GPC5: variants seen among roughly 807,000 people sequenced by gnomAD.
GPC5 encodes the protein glypican 5.
GPC5 carries 47 observed loss-of-function variants against 53.9 expected under a neutral mutation model. That is an observed-to-expected ratio of 0.87 (90% confidence interval 0.69 to 1.11). GPC5 has a LOEUF of 1.11. Ranked by LOEUF, GPC5 falls within the 50% of genes most tolerant of loss-of-function variation. The probability of loss-of-function intolerance (pLI) is 0.00; values close to 1 mark genes in which losing one functional copy is unlikely to be tolerated. For synonymous variants in GPC5, 286 were observed against 263.3 expected (o/e 1.09, Z -0.84); for missense variants, 748 against 713.1 (o/e 1.05, Z -0.56).
intron 7 of GPC5, among the ~76,000 whole-genome samples, chr13:92,677,968 C>G (rs1887001563): frequency 6.6e-6 from 1 of 152,136 alleles, no homozygotes; most frequent in South Asian, 2.1e-4. Context: ...ATGCTCCTGC[C>G]AAAGCTTCCC....
At chr13:91,590,437 C>T (rs570586561) in intron 2 of GPC5, among the ~76,000 whole-genome samples, 1 of 152,074 alleles carries the variant, frequency 6.6e-6, no homozygotes, top group East Asian at 1.9e-4. Context: ...AATATGTTTT[C>T]CTATATTTTC....
At chr13:92,534,828 G>A (rs1394778970) in intron 7 of GPC5, among the ~76,000 whole-genome samples, 1 of 152,106 alleles carries the variant, frequency 6.6e-6, no homozygotes. Flanking sequence ...AAAACAATAT[G>A]TCAAAACATG....
chr13:92,225,926 T>C lies in GPC5; in HGVS notation c.1561+80937T>C, dbSNP rs577290949. ...AACATGGAGAACCATCAGTTCCTGA[T>C]ATGGTTTGGCTCTGTGTCCCCACCT... On this transcript the variant is annotated intron_variant, in intron 7 of 7. Coordinates refer to ENST00000377067, the MANE Select transcript of GPC5 (RefSeq NM_004466.6). Among the ~76,000 whole-genome samples the C allele has an allele frequency of 1.5e-3, 230 of 152,332 alleles. 1 individual carries two copies. The highest frequency in any genetic ancestry group is 5.2e-3 in the African/African-American group (215 of 41,572).
intron 7 of GPC5, among the ~76,000 whole-genome samples, chr13:92,370,541 C>A (rs1408888303): frequency 3.8e-5 from 1 of 26,586 alleles, no homozygotes; most frequent in Non-Finnish European, 7.9e-5. Context: ...AAAAAAAAAA[C>A]AGCTTGTCAA....
chr13:92,610,968 A>ATAT (rs1566318724), intron 7 of GPC5, among the ~76,000 whole-genome samples: 2 of 140,120 alleles, frequency 1.4e-5, no homozygotes, highest in Non-Finnish European at 1.5e-5. Context: ...CTCAATACAT[A>ATAT]TTTTTTTTTT....
chr13:91,710,837 A>G (rs918566289), intron 3 of GPC5, among the ~76,000 whole-genome samples: 1 of 151,308 alleles, frequency 6.6e-6, no homozygotes, highest in African/African-American at 2.4e-5. Context: ...TTAGATGTTA[A>G]TAGGTATTCT....
At chr13:91,858,660 A>G (rs1338895046) in intron 5 of GPC5, among the ~76,000 whole-genome samples, 1 of 151,838 alleles carries the variant, frequency 6.6e-6, no homozygotes, top group Non-Finnish European at 1.5e-5. Flanking sequence ...TCAGAGTAAT[A>G]ATGGCCTTGT....
chr13:92,349,746 T>C (rs1367154377), intron 7 of GPC5, among the ~76,000 whole-genome samples: 1 of 152,022 alleles, frequency 6.6e-6, no homozygotes, highest in African/African-American at 2.4e-5. Context: ...GAATCAGTAA[T>C]AAAAATTTTC....
chr13:92,262,214 C>A (rs2042772474), intron 7 of GPC5, among the ~76,000 whole-genome samples: 2 of 152,090 alleles, frequency 1.3e-5, no homozygotes, highest in African/African-American at 4.8e-5. Context: ...TATTTGGTTT[C>A]TAGTATTTCA....
At chr13:91,848,750 G>T (rs1196004335) in intron 5 of GPC5, among the ~76,000 whole-genome samples, 1 of 152,146 alleles carries the variant, frequency 6.6e-6, no homozygotes, top group Non-Finnish European at 1.5e-5. Context: ...GTATCATCTT[G>T]CTTCTGAGCC....
intron 3 of GPC5, among the ~76,000 whole-genome samples, chr13:91,706,928 A>T (rs1448139829): frequency 6.6e-6 from 1 of 152,210 alleles, no homozygotes; most frequent in Non-Finnish European, 1.5e-5. Flanking sequence ...AATTAAGATT[A>T]AAACATCATA....
chr13:92,537,345 C>T (rs373929388), intron 7 of GPC5, among the ~76,000 whole-genome samples: 3 of 152,156 alleles, frequency 2.0e-5, no homozygotes, highest in South Asian at 4.1e-4. Flanking sequence ...TAAATGCTTT[C>T]GATTTCAAAG....
chr13:92,665,404 C>G lies in GPC5; in HGVS notation c.1562-200878C>G, dbSNP rs570788127. ...ATCCCACATCCCGGAAGTGTCAAAC[C>G]AAGGACTAGAATTCAGATCTCTTGA... On this transcript the variant is annotated intron_variant, in intron 7 of 7. Coordinates refer to ENST00000377067, the MANE Select transcript of GPC5 (RefSeq NM_004466.6). Among the ~76,000 whole-genome samples, 4 of 152,248 alleles carry G rather than the reference C, an allele frequency of 2.6e-5. No homozygotes were observed. The South Asian group carries it at 8.3e-4, about 32-fold the overall frequency.
intron 7 of GPC5, among the ~76,000 whole-genome samples, chr13:92,324,910 C>T (rs1349231230): frequency 1.3e-5 from 2 of 151,596 alleles, no homozygotes; most frequent in African/African-American, 2.4e-5. Flanking sequence ...TCTTGGCACC[C>T]CCAAAATACT....
intron 7 of GPC5, among the ~76,000 whole-genome samples, chr13:92,445,121 T>A (rs1877744394): frequency 1.3e-5 from 2 of 151,962 alleles, no homozygotes; most frequent in African/African-American, 4.8e-5. Context: ...TTTCAATGAG[T>A]GCAAATTTTT....
intron 2 of GPC5, among the ~76,000 whole-genome samples, chr13:91,553,256 T>G (rs907113696): frequency 6.6e-6 from 1 of 152,118 alleles, no homozygotes; most frequent in Admixed American, 6.6e-5. Context: ...TCTAGTTTAA[T>G]TCAGCCACCA....
intron 7 of GPC5, among the ~76,000 whole-genome samples, chr13:92,443,227 A>G (rs1877648441): frequency 6.6e-6 from 1 of 152,206 alleles, no homozygotes; most frequent in Non-Finnish European, 1.5e-5. Flanking sequence ...ATAGAGTGAG[A>G]AAATACTCAT....
chr13:91,564,208 G>T (rs1016719169), intron 2 of GPC5, among the ~76,000 whole-genome samples: 1 of 152,126 alleles, frequency 6.6e-6, no homozygotes, highest in East Asian at 1.9e-4. Flanking sequence ...TCTTCGTGGT[G>T]ATTTCTTCTT....
In GPC5 at chr13:92,271,082, C is replaced by CCAGGG. The variant is rs570443919; in HGVS notation, c.1561+126095_1561+126099dup. On this transcript the variant is annotated intron_variant, in intron 7 of 7. Coordinates refer to ENST00000377067, the MANE Select transcript of GPC5 (RefSeq NM_004466.6). The stretch of plus-strand genomic sequence containing the variant: ...TATCACTTGATGTAAACTATTGTTT[C>CCAGGG]CAGGGCGCCCACAGAAACAATTTAG... Among the ~76,000 whole-genome samples the CCAGGG allele has an allele frequency of 5.8e-3, 880 of 152,216 alleles. 8 individuals carry two copies. The highest frequency in any genetic ancestry group is 0.02 in the African/African-American group (825 of 41,526).
Sources: gnomAD v4.1 joint callset for allele counts (sites outside exome capture counted in the v4.1 genomes callset) on GRCh38, gnomAD v4.1.1 for gene constraint, MANE v1.5 for transcripts, NCBI Gene and HGNC (gene_info 2026-07-23, HGNC 2026-07-21) for gene names.